HARBI1: variants seen among roughly 807,000 people sequenced by gnomAD.
HARBI1 encodes the protein putative nuclease HARBI1.
Under a neutral mutation model 25.3 loss-of-function variants are expected in HARBI1, and 15 were observed. The ratio of observed to expected loss-of-function variants is 0.59; its 90% CI spans 0.40 to 0.91. HARBI1 has a LOEUF of 0.91. Ranked by LOEUF, HARBI1 falls within the 40% of genes least tolerant of loss-of-function variation. HARBI1 has a pLI of 0.00. For missense variants in HARBI1, 396 were observed against 445.8 expected (o/e 0.89, Z 1.01); for synonymous variants, 168 against 160.5 (o/e 1.05, Z -0.35).
chr11:46,615,650 G>A lies in HARBI1; in HGVS notation c.588C>T (p.Ser196=). The A allele has an allele frequency of 1.2e-6, 2 of 1,614,202 alleles. No individual in the cohort carries two copies. Among genetic ancestry groups the A allele is most frequent in the Non-Finnish European group, 1.7e-6 (2 of 1,180,036 alleles). The change falls in exon 2 of 3, where the codon AGC becomes AGT. Residue 196 remains serine (S), a synonymous_variant. Transcript: ENST00000326737. ...LMTVETNWPG[S]LQDCAVLQQS... is the part of the protein sequence containing the mutation. ...GCTGCAGCACAGCACAGTCCTGTAG[G>A]CTGCCGGGCCAGTTTGTCTCCACGG...
intron 1 of HARBI1, chr11:46,616,690 C>T: frequency 1.0e-6 from 1 of 994,376 alleles, no homozygotes; most frequent in Non-Finnish European, 1.2e-6. Context: ...CTATATAGGC[C>T]AAGAAGCAGC....
At chr11:46,605,493 A>T (rs1293058573) in intron 2 of HARBI1, among the ~76,000 whole-genome samples, 1 of 151,012 alleles carries the variant, frequency 6.6e-6, no homozygotes, top group Non-Finnish European at 1.5e-5. Context: ...GCCGAGCAGG[A>T]GCTTACATTT....
intron 2 of HARBI1, among the ~76,000 whole-genome samples, chr11:46,613,545 C>T (rs1176630222): frequency 6.2e-5 from 9 of 145,240 alleles, no homozygotes; most frequent in African/African-American, 7.7e-5. Context: ...TGCAGTGGCA[C>T]GATCTTGGCT....
rs142365769 is a variant in HARBI1 at position 46,610,913 on chromosome 11, T to A, written c.670+4655A>T. On this transcript the variant is annotated intron_variant, in intron 2 of 2. Transcript: ENST00000326737. ...CCAAATAAAGTAATTCGTCCTATGA[T>A]CTGATTTAAACACTGAAACACAAGC... 5.9e-5 allele frequency among the ~76,000 whole-genome samples: 9 copies of A among 152,076 alleles called. No individual in the cohort carries two copies. The East Asian group carries it at 1.7e-3, about 29-fold the overall frequency.
chr11:46,606,065 T>C (rs2044936005), intron 2 of HARBI1, among the ~76,000 whole-genome samples: 1 of 151,872 alleles, frequency 6.6e-6, no homozygotes, highest in African/African-American at 2.4e-5. Context: ...TTTGTATTTT[T>C]AGTAGAGATG....
At position 46,603,422 on chromosome 11, in the gene HARBI1, A is replaced by G; in HGVS notation, c.*108T>C. 1.0e-6 allele frequency: 1 copy of G among 978,722 alleles called. No homozygotes were observed. Among genetic ancestry groups the G allele is most frequent in the South Asian group, 1.7e-5 (1 of 60,262 alleles). 60.6% of individuals were successfully genotyped at this position (978,722 alleles called of 1,614,324 possible). A position where few individuals can be genotyped will look rare whatever the true frequency, so the allele number is the denominator to read the frequency against. On this transcript the variant is annotated 3_prime_UTR_variant, in exon 3 of 3. Coordinates refer to ENST00000326737, the MANE Select transcript of HARBI1 (RefSeq NM_173811.4). ...CACATATTAAATGTCAGTTTATGAC[A>G]AGTATCTGTATACTCAGTCATGCTA...
chr11:46,616,945 AT>A (rs1301977943), intron 1 of HARBI1, 178 bp downstream of exon 1: 1 of 985,024 alleles, frequency 1.0e-6, no homozygotes, highest in Non-Finnish European at 1.2e-6. Context: ...AGAACTCCAA[AT>A]CGTGAACCTG....
At chr11:46,606,793 C>G (rs1256529846) in intron 2 of HARBI1, among the ~76,000 whole-genome samples, 1 of 151,846 alleles carries the variant, frequency 6.6e-6, no homozygotes, top group Non-Finnish European at 1.5e-5. Context: ...CAGGCACATG[C>G]CACAACACCC....
At chr11:46,606,167 T>G (rs1453291083) in intron 2 of HARBI1, among the ~76,000 whole-genome samples, 2 of 151,508 alleles carry the variant, frequency 1.3e-5, no homozygotes, top group African/African-American at 4.8e-5. Context: ...ATTACAGGCG[T>G]GAGACACCAC....
At chr11:46,610,983 T>C (rs988158274) in intron 2 of HARBI1, among the ~76,000 whole-genome samples, 2 of 151,152 alleles carry the variant, frequency 1.3e-5, no homozygotes, top group Non-Finnish European at 2.9e-5. Flanking sequence ...GTAAAAATGT[T>C]AATATTATTA....
upstream of HARBI1, chr11:46,617,893 A>G (rs959569616): frequency 5.0e-6 from 2 of 399,002 alleles, no homozygotes; most frequent in African/African-American, 4.1e-5. Flanking sequence ...CTTCGCAGGT[A>G]CTAACTTTTG....
Position 46,615,617 on chromosome 11 carries a change from G to C in HARBI1, c.621C>G (p.Ser207=). The change falls in exon 2 of 3, where the codon TCC becomes TCG. Residue 207 remains serine, a synonymous_variant. Transcript: ENST00000326737. ...TACCCGCTTCAAACTGACTACTGAG[G>C]GAAGACTGCTGCAGCACAGCACAGT... ...LQDCAVLQQS[S]LSSQFEAGMH... is the part of the protein sequence containing the mutation. 6.2e-7 allele frequency: 1 copy of C among 1,614,184 alleles called. No homozygotes were observed. Among genetic ancestry groups the C allele is most frequent in the East Asian group, 2.2e-5 (1 of 44,882 alleles).
At chr11:46,604,386 C>T (rs561613435) in intron 2 of HARBI1, 1 of 864,410 alleles carries the variant, frequency 1.2e-6, no homozygotes, top group Admixed American at 6.2e-5. Context: ...ACCTGGGCGA[C>T]AAGCGCGAAA....
intron 2 of HARBI1, among the ~76,000 whole-genome samples, chr11:46,610,279 C>T (rs2045123600): frequency 6.6e-6 from 1 of 151,716 alleles, no homozygotes; most frequent in South Asian, 2.1e-4. Flanking sequence ...GTGATCATGC[C>T]AGTGCACTCC....
intron 2 of HARBI1, among the ~76,000 whole-genome samples, chr11:46,608,260 T>C (rs1407464655): frequency 6.6e-6 from 1 of 152,130 alleles, no homozygotes; most frequent in East Asian, 1.9e-4. Context: ...ATCGCCCCAT[T>C]GCACCACAGC....
At chr11:46,611,884 T>G (rs183138212) in intron 2 of HARBI1, among the ~76,000 whole-genome samples, 34 of 152,212 alleles carry the variant, frequency 2.2e-4, no homozygotes, top group Admixed American at 7.2e-4. Context: ...AAGCTCAAAA[T>G]AGGCAAAAGG....
At chr11:46,603,986 A>T in intron 2 of HARBI1, 77 bp from the exon 3 acceptor site, 1 of 1,495,112 alleles carries the variant, frequency 6.7e-7, no homozygotes, top group Non-Finnish European at 8.9e-7. Context: ...GAAAACATAT[A>T]CTGACAATGG....
intron 2 of HARBI1, among the ~76,000 whole-genome samples, chr11:46,613,050 G>C (rs747638811): frequency 3.9e-5 from 5 of 129,466 alleles, no homozygotes; most frequent in Admixed American, 9.4e-5. Flanking sequence ...TGTGATCTCA[G>C]CTCACTGCAA....
Position 46,616,039 on chromosome 11 carries a change from T to TA in HARBI1, c.198dup (p.Ile67TyrfsTer2), listed in dbSNP as rs747294798. The TA allele has an allele frequency of 8.7e-6, 14 of 1,614,116 alleles. No individual in the cohort carries two copies. Among genetic ancestry groups the TA allele is most frequent in the Non-Finnish European group, 1.0e-5 (12 of 1,180,046 alleles). ...GCAAGGACCTGTGTCTCTGGGCTAA[T>TA]AGCCCTGGATCGCTGAGTAGGCCTA... On this transcript the variant is annotated frameshift_variant, in exon 2 of 3. Coordinates refer to ENST00000326737, the MANE Select transcript of HARBI1 (RefSeq NM_173811.4). LOFTEE classifies it high-confidence loss of function.
Sources: allele counts gnomAD v4.1 joint callset (sites outside exome capture counted in the v4.1 genomes callset), GRCh38; gene constraint gnomAD v4.1.1; transcripts MANE v1.5; gene names NCBI Gene and HGNC (gene_info 2026-07-23, HGNC 2026-07-21).